HMGCLL1: variants seen among roughly 807,000 people sequenced by gnomAD.
HMGCLL1 encodes the protein 3-hydroxymethyl-3-methylglutaryl-CoA lyase, cytoplasmic.
Under a neutral mutation model 39.1 loss-of-function variants are expected in HMGCLL1, and 36 were observed. That is an observed-to-expected ratio of 0.92 (90% CI 0.71 to 1.22). HMGCLL1 has a LOEUF of 1.22. HMGCLL1 is among the 50% of genes most tolerant of loss of function. The probability of loss-of-function intolerance (pLI) is 0.00; values close to 1 mark genes in which losing one functional copy is unlikely to be tolerated. For missense variants in HMGCLL1, 451 were observed against 416.5 expected (o/e 1.08, Z -0.72); for synonymous variants, 149 against 144.0 (o/e 1.03, Z -0.25).
the HMGCLL1 span, among the ~76,000 whole-genome samples, chr6:55,614,573 CATAA>C: frequency 6.6e-6 from 1 of 152,132 alleles, no homozygotes; most frequent in Non-Finnish European, 1.5e-5. Flanking sequence ...ATCACATGCA[CATAA>C]ATAATTTCTT....
chr6:55,661,161 A>G, the HMGCLL1 span, among the ~76,000 whole-genome samples: 7 of 152,066 alleles, frequency 4.6e-5, no homozygotes, highest in East Asian at 1.4e-3. Flanking sequence ...CTCACTCTAT[A>G]GGTTGTCTAT....
upstream of HMGCLL1, among the ~76,000 whole-genome samples, chr6:55,580,824 A>C (rs956046510): frequency 7.9e-5 from 12 of 152,132 alleles, no homozygotes; most frequent in African/African-American, 2.9e-4. Context: ...TATTTACCTA[A>C]GCATGACTAT....
chr6:55,596,309 A>G, the HMGCLL1 span, among the ~76,000 whole-genome samples: 2 of 152,320 alleles, frequency 1.3e-5, no homozygotes, highest in South Asian at 2.1e-4. Flanking sequence ...CCTGGGTGAC[A>G]GCAGTGAAAC....
At chr6:55,498,398 T>C (rs533155913) in intron 6 of HMGCLL1, among the ~76,000 whole-genome samples, 2 of 152,256 alleles carry the variant, frequency 1.3e-5, no homozygotes, top group South Asian at 2.1e-4. Context: ...AGGATATGTT[T>C]CATTTGAAAA....
intron 1 of HMGCLL1, among the ~76,000 whole-genome samples, chr6:55,564,841 A>C (rs377321908): frequency 6.1e-5 from 3 of 49,424 alleles, no homozygotes; most frequent in Non-Finnish European, 1.2e-4. Context: ...GAAAGTTTTC[A>C]AAAAAAAAAA....
At chr6:55,535,331 A>C (rs750933860) in intron 3 of HMGCLL1, among the ~76,000 whole-genome samples, 9 of 152,224 alleles carry the variant, frequency 5.9e-5, no homozygotes, top group Non-Finnish European at 1.0e-4. Flanking sequence ...AATTCAGGAG[A>C]AAAGACAAGA....
the HMGCLL1 span, among the ~76,000 whole-genome samples, chr6:55,652,350 C>T: frequency 6.6e-6 from 1 of 151,940 alleles, no homozygotes; most frequent in Admixed American, 6.6e-5. Context: ...CTTTAAAAAT[C>T]TGGTAGACAT....
chr6:55,472,730 T>C (rs1490930571), intron 7 of HMGCLL1, among the ~76,000 whole-genome samples: 1 of 151,470 alleles, frequency 6.6e-6, no homozygotes, highest in Non-Finnish European at 1.5e-5. Flanking sequence ...ATTCTGATAT[T>C]ATTGTATGGA....
At chr6:55,633,717 T>C in the HMGCLL1 span, among the ~76,000 whole-genome samples, 1 of 151,992 alleles carries the variant, frequency 6.6e-6, no homozygotes, top group African/African-American at 2.4e-5. Flanking sequence ...GCTAAAAAGA[T>C]TAAAATTTCA....
chr6:55,482,948 T>C (rs958167668), intron 7 of HMGCLL1, among the ~76,000 whole-genome samples: 2 of 152,048 alleles, frequency 1.3e-5, no homozygotes, highest in Admixed American at 6.6e-5. Flanking sequence ...GGAAGAGCGA[T>C]TGATAGAACT....
the HMGCLL1 span, among the ~76,000 whole-genome samples, chr6:55,608,278 C>T: frequency 1.3e-5 from 2 of 152,136 alleles, no homozygotes; most frequent in African/African-American, 2.4e-5. Flanking sequence ...TTACATATAT[C>T]GTCTTTAAAG....
chr6:55,524,752 G>C (rs1189548452), intron 3 of HMGCLL1, among the ~76,000 whole-genome samples: 2 of 151,832 alleles, frequency 1.3e-5, no homozygotes, highest in Admixed American at 6.6e-5. Context: ...AGAACCTGAG[G>C]CATATCTAAT....
intron 5 of HMGCLL1, chr6:55,513,557 G>A (rs954632184): frequency 6.5e-6 from 1 of 154,096 alleles, no homozygotes; most frequent in Non-Finnish European, 1.4e-5. Flanking sequence ...CAGCCATTGA[G>A]GGGGAGAAAG....
chr6:55,463,320 C>T (rs564742250), intron 7 of HMGCLL1, among the ~76,000 whole-genome samples: 112 of 152,210 alleles, frequency 7.4e-4, no homozygotes, highest in Non-Finnish European at 1.2e-3. Flanking sequence ...GAGTGAGCCA[C>T]TGTGCCCGGC....
chr6:55,521,417 T>C (rs1347701086), intron 3 of HMGCLL1, among the ~76,000 whole-genome samples: 1 of 152,152 alleles, frequency 6.6e-6, no homozygotes, highest in Admixed American at 6.6e-5. Context: ...GTACTGTGTT[T>C]TTTACAAATT....
chr6:55,478,087 GT>G lies in HMGCLL1; in HGVS notation c.795+17331del, dbSNP rs11372906. Among the ~76,000 whole-genome samples the G allele has an allele frequency of 1.3e-3, 187 of 143,218 alleles. 4 individuals carry two copies. The highest frequency in any genetic ancestry group is 4.1e-3 in the African/African-American group (156 of 37,932). The allele number at this position is 143,218 out of a possible 152,430, so 94.0% of individuals were successfully genotyped here. The stretch of plus-strand genomic sequence containing the variant: ...TGAGCTACTGATTCAGTGAGGTTCT[GT>G]TTTTTTTTTTCATTTTTCATAGTTT... On this transcript the variant is annotated intron_variant, in intron 7 of 8. Transcript: ENST00000274901.
chr6:55,511,715 A>G (rs1428255198), intron 5 of HMGCLL1, among the ~76,000 whole-genome samples: 1 of 152,096 alleles, frequency 6.6e-6, no homozygotes, highest in African/African-American at 2.4e-5. Flanking sequence ...TACAATGGTG[A>G]ATACCTAAAA....
chr6:55,524,649 G>A (rs1768218141), intron 3 of HMGCLL1, among the ~76,000 whole-genome samples: 1 of 151,790 alleles, frequency 6.6e-6, no homozygotes, highest in Admixed American at 6.6e-5. Context: ...AAGTAATAGG[G>A]CATAGATAGT....
the HMGCLL1 span, among the ~76,000 whole-genome samples, chr6:55,652,688 C>T: frequency 6.6e-6 from 1 of 152,060 alleles, no homozygotes; most frequent in African/African-American, 2.4e-5. Flanking sequence ...TCATACAGCT[C>T]ACGGCCAGGG....
Sources: gnomAD v4.1 joint callset for allele counts (sites outside exome capture counted in the v4.1 genomes callset) on GRCh38, gnomAD v4.1.1 for gene constraint, MANE v1.5 for transcripts, NCBI Gene and HGNC (gene_info 2026-07-23, HGNC 2026-07-21) for gene names.